Variants in COMMD5 observed in about 807,000 individuals in gnomAD.
COMMD5 encodes the protein COMM domain-containing protein 5.
Under a neutral mutation model 6.9 loss-of-function variants are expected in COMMD5, and 10 were observed. The observed-to-expected ratio is 1.44, with a 90% CI of 0.89 to 2.45. The LOEUF (loss-of-function observed/expected upper bound fraction) is 2.45, where lower values mean the gene tolerates loss of function less well. Ranked by LOEUF, COMMD5 falls within the 30% of genes most tolerant of loss-of-function variation. The pLI is 0.00. For missense variants in COMMD5, 234 were observed against 287.8 expected (o/e 0.81, Z 1.35); for synonymous variants, 127 against 125.3 (o/e 1.01, Z -0.09).
chr8:144,842,705 C>T (rs372508675), intron 1 of COMMD5: 30 of 1,614,006 alleles, frequency 1.9e-5, no homozygotes, highest in Non-Finnish European at 2.5e-5. Context: ...TGCGGAAAAG[C>T]CTTCAGTATG....
chr8:144,838,840 G>A (rs1829426122), downstream of COMMD5: 1 of 151,908 alleles, frequency 6.6e-6, no homozygotes, highest in Non-Finnish European at 1.5e-5. Flanking sequence ...TACTCGGGAG[G>A]CCGAGGCAGG....
intron 1 of COMMD5, 62 bp from the exon 2 acceptor site, chr8:144,851,457 G>T: frequency 9.3e-7 from 1 of 1,071,516 alleles, no homozygotes; most frequent in Non-Finnish European, 1.4e-6. Flanking sequence ...AGCGAGTGAG[G>T]GTTGATATGG....
chr8:144,841,704 G>C (rs2130703595), exon 2 of COMMD5: 1 of 1,614,184 alleles, frequency 6.2e-7, no homozygotes, highest in South Asian at 1.1e-5. Flanking sequence ...AGAGATGCGA[G>C]GAGTGTGGCA....
At chr8:144,848,669 GGAA>G (rs1830614641), downstream of COMMD5, among the ~76,000 whole-genome samples, 1 of 152,202 alleles carries the variant, frequency 6.6e-6, no homozygotes, top group African/African-American at 2.4e-5. Context: ...CTGAGTCAGA[GGAA>G]GTGGCCTCTA....
intron 1 of COMMD5, among the ~76,000 whole-genome samples, chr8:144,844,507 A>G (rs1735407): frequency 0.4 from 59,910 of 151,448 alleles, 12,276 homozygotes; most frequent in African/African-American, 0.51. Flanking sequence ...TCAGGAGATG[A>G]AGACCATCCT....
chr8:144,838,965 A>T (rs1427037327), downstream of COMMD5: 1 of 145,978 alleles, frequency 6.9e-6, no homozygotes, highest in Non-Finnish European at 1.5e-5. Flanking sequence ...AAAAAAAAGC[A>T]GGGGCTGTGA....
At chr8:144,846,259 C>G, downstream of COMMD5, 1 of 1,339,668 alleles carries the variant, frequency 7.5e-7, no homozygotes, top group African/African-American at 1.5e-5. Context: ...GGGGTGCAAG[C>G]TTCATTCTGC....
Position 144,851,414 on chromosome 8 carries a change from GAGA to G in COMMD5, c.-57-22_-57-20del. On this transcript the variant is annotated intron_variant, in intron 1 of 1. Coordinates refer to ENST00000305103, the MANE Select transcript of COMMD5 (RefSeq NM_014066.4). ...CAGATGCCTAGAGTGGGGTGGAGGA[GAGA>G]AGACCAGTGACTCTCACATCCTTTG... 1 of 1,487,954 alleles carries G rather than the reference GAGA, an allele frequency of 6.7e-7. No homozygotes were observed. The highest frequency in any genetic ancestry group is 9.1e-7 in the Non-Finnish European group (1 of 1,094,698). The allele number at this position is 1,487,954 out of a possible 1,614,324, so 92.2% of individuals were successfully genotyped here. A position where few individuals can be genotyped will look rare whatever the true frequency, so the allele number is the denominator to read the frequency against.
downstream of COMMD5, among the ~76,000 whole-genome samples, chr8:144,845,224 G>A (rs937546033): frequency 1.3e-5 from 2 of 152,204 alleles, no homozygotes; most frequent in African/African-American, 4.8e-5. Context: ...AGGAGGGGAC[G>A]GCAGGCAGAA....
intron 1 of COMMD5, among the ~76,000 whole-genome samples, chr8:144,844,279 C>A (rs981855292): frequency 6.6e-6 from 1 of 152,340 alleles, no homozygotes; most frequent in Non-Finnish European, 1.5e-5. Flanking sequence ...ACCAACCCCC[C>A]CATCCATGCC....
At chr8:144,843,212 C>CCTTAACTTA in intron 1 of COMMD5, 1 of 1,503,390 alleles carries the variant, frequency 6.7e-7, no homozygotes, top group East Asian at 2.3e-5. Flanking sequence ...AAACCTATAG[C>CCTTAACTTA]CTTAACTTAC....
At chr8:144,847,218 G>A (rs1830558903), downstream of COMMD5, 1 of 152,234 alleles carries the variant, frequency 6.6e-6, no homozygotes, top group South Asian at 2.1e-4. Context: ...ATGGGGTAGT[G>A]CAGGTGCTAG....
upstream of COMMD5, chr8:144,853,432 A>C (rs1767735484): frequency 6.6e-6 from 1 of 152,052 alleles, no homozygotes; most frequent in African/African-American, 2.4e-5. Flanking sequence ...GGAAACCGCG[A>C]GACCTTGAGG....
chr8:144,838,106 G>A (rs139974805), downstream of COMMD5: 1,141 of 703,024 alleles, frequency 1.6e-3, 11 homozygotes, highest in African/African-American at 0.018. Flanking sequence ...TCTCCGGGCA[G>A]CTGGTGGTTT....
At chr8:144,843,381 A>T (rs1397650723) in intron 1 of COMMD5, 2 of 507,076 alleles carry the variant, frequency 3.9e-6, no homozygotes. Flanking sequence ...CGAGGTCAGG[A>T]GGTTGAGACC....
At chr8:144,846,147 G>A, downstream of COMMD5, 1 of 1,536,252 alleles carries the variant, frequency 6.5e-7, no homozygotes, top group Non-Finnish European at 8.7e-7. Flanking sequence ...CAGGACAGAA[G>A]GAGGGGAACG....
chr8:144,843,048 A>C, intron 1 of COMMD5: 1 of 1,614,204 alleles, frequency 6.2e-7, no homozygotes. Flanking sequence ...GGTGGCGTTC[A>C]CACCTAATTA....
chr8:144,849,641 C>G (rs566117514), downstream of COMMD5, among the ~76,000 whole-genome samples: 4 of 152,246 alleles, frequency 2.6e-5, no homozygotes, highest in Non-Finnish European at 5.9e-5. Flanking sequence ...AGAGACCGAG[C>G]ACCAAGGCCC....
intron 1 of COMMD5, chr8:144,843,337 C>G (rs1345259191): frequency 1.8e-5 from 15 of 814,198 alleles, no homozygotes; most frequent in Admixed American, 6.7e-5. Flanking sequence ...TGCCTGTCAT[C>G]CCAGCACTTT....
Sources: gnomAD v4.1 joint callset for allele counts (sites outside exome capture counted in the v4.1 genomes callset) on GRCh38, gnomAD v4.1.1 for gene constraint, MANE v1.5 for transcripts, NCBI Gene and HGNC (gene_info 2026-07-23, HGNC 2026-07-21) for gene names.